SEMA6D: variants seen among roughly 807,000 people sequenced by gnomAD.
SEMA6D encodes semaphorin-6D.
SEMA6D carries 35 observed loss-of-function variants against 106.6 expected under a neutral mutation model. The observed-to-expected ratio is 0.33, with a 90% confidence interval of 0.25 to 0.44. The LOEUF is 0.44. SEMA6D is among the 20% of genes least tolerant of loss of function. SEMA6D has a pLI of 1.00. For missense variants in SEMA6D, 1,185 were observed against 1,345.9 expected, an observed-to-expected ratio of 0.88 and a Z score of 1.87; for synonymous variants, 499 against 487.7, an observed-to-expected ratio of 1.02 and a Z score of -0.31.
intron 3 of SEMA6D, among the ~76,000 whole-genome samples, chr15:47,513,275 A>G (rs1046683938): frequency 6.6e-6 from 1 of 152,094 alleles, no homozygotes; most frequent in African/African-American, 2.4e-5. Context: ...TATAAATTAT[A>G]TTATAATATT....
chr15:47,553,226 T>G (rs2045816560), intron 3 of SEMA6D, among the ~76,000 whole-genome samples: 1 of 151,760 alleles, frequency 6.6e-6, no homozygotes, highest in Non-Finnish European at 1.5e-5. Flanking sequence ...TTTTATGCCC[T>G]TAGTCATAAA....
intron 1 of SEMA6D, among the ~76,000 whole-genome samples, chr15:47,220,137 C>T (rs1389472876): frequency 2.0e-5 from 3 of 152,140 alleles, no homozygotes; most frequent in African/African-American, 7.2e-5. Context: ...CCATTCTAGC[C>T]AGAGGAAGTG....
rs745618833 is a variant in SEMA6D, at chr15:47,570,651, C to T, written c.-86-30214C>T. On this transcript the variant is annotated intron_variant, in intron 3 of 19. Transcript: ENST00000558014. ...CCCCAGTGCTGCACCCCAGCAGGCCCGGCGCAGCCTCGTCTGGTCAGTGAG... is the reference window on the plus strand; with the variant it reads ...CCCCAGTGCTGCACCCCAGCAGGCCTGGCGCAGCCTCGTCTGGTCAGTGAG... 3.1e-4 allele frequency among the ~76,000 whole-genome samples: 47 copies of T among 152,244 alleles called. 1 individual carries two copies. Among genetic ancestry groups the T allele is most frequent in the Admixed American group, 2.6e-4 (4 of 15,304 alleles).
chr15:47,194,733 A>G (rs1285280806), intron 1 of SEMA6D, among the ~76,000 whole-genome samples: 1 of 145,834 alleles, frequency 6.9e-6, no homozygotes, highest in Non-Finnish European at 1.6e-5. Flanking sequence ...TTAAAATGGT[A>G]GTCAGTCAAC....
chr15:47,199,181 G>A (rs1894551455), intron 1 of SEMA6D, among the ~76,000 whole-genome samples: 1 of 152,120 alleles, frequency 6.6e-6, no homozygotes, highest in Non-Finnish European at 1.5e-5. Flanking sequence ...GGAAGCAAAT[G>A]TGTTAGGATA....
chr15:47,621,480 C>T (rs1016502537), intron 4 of SEMA6D, among the ~76,000 whole-genome samples: 11 of 152,022 alleles, frequency 7.2e-5, no homozygotes, highest in Non-Finnish European at 1.2e-4. Context: ...GAAGTCTAAA[C>T]CTGTGCAAAG....
chr15:47,300,026 G>C (rs950712193), intron 1 of SEMA6D, among the ~76,000 whole-genome samples: 1 of 152,190 alleles, frequency 6.6e-6, no homozygotes, highest in Admixed American at 6.5e-5. Flanking sequence ...ATTTATCCTT[G>C]ATGTAGCTAT....
chr15:47,384,606 T>A (rs1439473693), intron 1 of SEMA6D, among the ~76,000 whole-genome samples: 2 of 152,034 alleles, frequency 1.3e-5, no homozygotes, highest in Non-Finnish European at 2.9e-5. Context: ...TATGAGGATG[T>A]CTGAGTGGAG....
intron 1 of SEMA6D, among the ~76,000 whole-genome samples, chr15:47,349,047 A>G (rs1042527229): frequency 2.6e-5 from 4 of 151,982 alleles, no homozygotes; most frequent in Non-Finnish European, 5.9e-5. Context: ...CAGGGCATCC[A>G]TGGGCATCAT....
intron 3 of SEMA6D, among the ~76,000 whole-genome samples, chr15:47,489,585 G>A (rs951178145): frequency 6.6e-6 from 1 of 152,064 alleles, no homozygotes; most frequent in African/African-American, 2.4e-5. Context: ...ACACCTTGGG[G>A]GTTGCATTCC....
chr15:47,343,021 A>G (rs974537130), intron 1 of SEMA6D, among the ~76,000 whole-genome samples: 4 of 151,906 alleles, frequency 2.6e-5, no homozygotes, highest in African/African-American at 9.7e-5. Context: ...CCCTCAAATT[A>G]CTTTTAAGAC....
intron 4 of SEMA6D, among the ~76,000 whole-genome samples, chr15:47,696,867 A>T (rs1294788832): frequency 6.6e-6 from 1 of 152,226 alleles, no homozygotes; most frequent in East Asian, 1.9e-4. Flanking sequence ...AGTTATGAAG[A>T]TTAACATTTA....
intron 1 of SEMA6D, among the ~76,000 whole-genome samples, chr15:47,328,706 G>A (rs1021207390): frequency 1.3e-5 from 2 of 152,242 alleles, no homozygotes; most frequent in African/African-American, 2.4e-5. Context: ...AAGCTCTAGT[G>A]AACCCCTGAG....
At chr15:47,400,729 G>A (rs1349420693) in intron 1 of SEMA6D, among the ~76,000 whole-genome samples, 1 of 152,190 alleles carries the variant, frequency 6.6e-6, no homozygotes. Context: ...CAAACAACTA[G>A]CTGTTTCTAT....
At chr15:47,628,010 A>G (rs571021865) in intron 4 of SEMA6D, among the ~76,000 whole-genome samples, 9 of 152,236 alleles carry the variant, frequency 5.9e-5, no homozygotes, top group African/African-American at 2.2e-4. Flanking sequence ...CATTGCATGT[A>G]TCAATAATTT....
At chr15:47,466,122 A>T (rs2042650645) in intron 2 of SEMA6D, among the ~76,000 whole-genome samples, 1 of 152,188 alleles carries the variant, frequency 6.6e-6, no homozygotes, top group Non-Finnish European at 1.5e-5. Flanking sequence ...GCAAATTAAG[A>T]TGTTCATCAC....
At chr15:47,726,529 A>G (rs985032284) in intron 1 of SEMA6D, among the ~76,000 whole-genome samples, 14 of 152,244 alleles carry the variant, frequency 9.2e-5, no homozygotes, top group African/African-American at 3.4e-4. Flanking sequence ...CAGTGTGAGT[A>G]AGAACATGAA....
At chr15:47,350,661 T>G (rs2038287561) in intron 1 of SEMA6D, among the ~76,000 whole-genome samples, 1 of 152,184 alleles carries the variant, frequency 6.6e-6, no homozygotes, top group South Asian at 2.1e-4. Flanking sequence ...TTAAAAATGG[T>G]AAAGCTTCAT....
At chr15:47,397,899 T>G (rs2040270381) in intron 1 of SEMA6D, 1 of 152,192 alleles carries the variant, frequency 6.6e-6, no homozygotes, top group Non-Finnish European at 1.5e-5. Context: ...TCATTTCCTT[T>G]GGAAAGGGAA....
Sources: gnomAD v4.1 joint callset for allele counts (sites outside exome capture counted in the v4.1 genomes callset) on GRCh38, gnomAD v4.1.1 for gene constraint, MANE v1.5 for transcripts, NCBI Gene and HGNC (gene_info 2026-07-23, HGNC 2026-07-21) for gene names.